Variants in ACOX1 observed in about 807,000 individuals in gnomAD.
ACOX1 encodes the protein acyl-CoA oxidase 1.
ACOX1 carries 41 observed loss-of-function variants against 75.5 expected under a neutral mutation model. That is an observed-to-expected ratio of 0.54 (90% CI 0.42 to 0.70). The LOEUF (loss-of-function observed/expected upper bound fraction) is 0.70. Ranked by LOEUF, ACOX1 falls within the 30% of genes least tolerant of loss-of-function variation. The pLI, the probability that ACOX1 is intolerant of heterozygous loss-of-function variation, is 0.00. For synonymous variants in ACOX1, 303 were observed against 298.8 expected (o/e 1.01, Z -0.15); for missense variants, 630 against 837.5 (o/e 0.75, Z 3.06).
chr17:75,973,726 G>A (rs375874273), intron 2 of ACOX1: 2 of 1,614,010 alleles, frequency 1.2e-6, no homozygotes, highest in African/African-American at 2.7e-5. Flanking sequence ...ATTCAGCAAG[G>A]TAGGAATAAA....
chr17:75,976,642 G>A (rs1399259274), intron 2 of ACOX1, among the ~76,000 whole-genome samples: 7 of 152,030 alleles, frequency 4.6e-5, no homozygotes, highest in Non-Finnish European at 1.0e-4. Context: ...AAATTTTTTC[G>A]TTTAAAACTG....
At position 75,961,000 on chromosome 17, in the gene ACOX1, AAG is replaced by A. The variant is rs1168848824; in HGVS notation, c.270-627_270-626del. ...TCTCAAAAAAAATAAATAAATAAAT[AAG>A]AGAGAATTGGCCAGGTGCAGTGGCT... On this transcript the variant is annotated intron_variant, in intron 2 of 13. Transcript: ENST00000293217. This position sits in a 1 kb window ranked among gnomAD's most constrained non-coding sequence, Gnocchi z 4.4. 6.6e-6 allele frequency among the ~76,000 whole-genome samples: 1 copy of A among 150,832 alleles called. No individual in the cohort carries two copies.
intron 2 of ACOX1, among the ~76,000 whole-genome samples, chr17:75,967,599 A>T (rs1284942434): frequency 7.0e-6 from 1 of 142,280 alleles, no homozygotes; most frequent in African/African-American, 2.6e-5. Flanking sequence ...AAAAAATCGA[A>T]ATATATATAT....
In ACOX1 at chr17:75,944,466, A is replaced by C. The variant is rs1177014465; in HGVS notation, c.*2282T>G. 6.6e-6 allele frequency: 1 copy of C among 152,156 alleles called. No individual in the cohort carries two copies. Among genetic ancestry groups the C allele is most frequent in the Non-Finnish European group, 1.5e-5 (1 of 68,036 alleles). The allele number at this position is 152,156 out of a possible 1,614,324, so 9.4% of individuals were successfully genotyped here. ...TCCTAAAGTGACTGGAGCCACTCACAACTATTGGTACAACTGCAGTAATTA... is the reference window on the plus strand; with the variant it reads ...TCCTAAAGTGACTGGAGCCACTCACCACTATTGGTACAACTGCAGTAATTA... On this transcript the variant is annotated 3_prime_UTR_variant, in exon 14 of 14. Transcript: ENST00000293217.
In ACOX1 at chr17:75,950,742, C is replaced by T. The variant is rs766942533; in HGVS notation, c.1298+32G>A. On this transcript the variant is annotated intron_variant, in intron 9 of 13. Transcript: ENST00000293217. This position sits in a 1 kb window ranked among gnomAD's most constrained non-coding sequence, Gnocchi z 4.3. ...AAAAGGACTAGAACATTCTTATGAA[C>T]AGATGGGAGGAATCGAGGATTTGAC... The T allele has an allele frequency of 6.2e-7, 1 of 1,605,270 alleles. No homozygotes were observed. The highest frequency in any genetic ancestry group is 1.1e-5 in the South Asian group (1 of 90,592).
chr17:75,978,496 G>A lies in ACOX1; in HGVS notation c.269+38C>T. 12 of 1,613,452 alleles carry A rather than the reference G, an allele frequency of 7.4e-6. No homozygotes were observed. The highest frequency in any genetic ancestry group is 1.0e-5 in the Non-Finnish European group (12 of 1,179,462). On this transcript the variant is annotated intron_variant, in intron 2 of 13. Coordinates refer to ENST00000293217, the MANE Select transcript of ACOX1 (RefSeq NM_004035.7). This position sits in a 1 kb window ranked among gnomAD's most constrained non-coding sequence, Gnocchi z 4.2. ...CCATAGACCGCAGCTGTAAAGTTTAGGCTTAACAACACTTGCTCTGTTCTA... is the reference window on the plus strand; with the variant it reads ...CCATAGACCGCAGCTGTAAAGTTTAAGCTTAACAACACTTGCTCTGTTCTA...
At chr17:75,970,481 C>T (rs952010228) in intron 2 of ACOX1, among the ~76,000 whole-genome samples, 9 of 152,076 alleles carry the variant, frequency 5.9e-5, no homozygotes, top group African/African-American at 2.2e-4. Context: ...GGTGTATATC[C>T]GAGTTTCTTC....
Position 75,978,716 on chromosome 17 carries a change from TA to T in ACOX1, c.110-24del. 1 of 1,612,730 alleles carries T rather than the reference TA, an allele frequency of 6.2e-7. No individual in the cohort carries two copies. The highest frequency in any genetic ancestry group is 8.5e-7 in the Non-Finnish European group (1 of 1,180,016). ...TCTCTGAAAGGGGGTTAAAGGGCAT[TA>T]AAAGGCAGACAGACACTCGGGCCTC... On this transcript the variant is annotated intron_variant, in intron 1 of 13. Transcript: ENST00000293217. This position sits in a 1 kb window ranked among gnomAD's most constrained non-coding sequence, Gnocchi z 4.2.
intron 2 of ACOX1, among the ~76,000 whole-genome samples, chr17:75,961,408 T>C (rs1445268597): frequency 7.3e-6 from 1 of 136,292 alleles, no homozygotes; most frequent in Non-Finnish European, 1.5e-5. Context: ...TCACTTGAGG[T>C]CAGGAGTTTG....
At chr17:75,956,404 G>A (rs534544530) in intron 4 of ACOX1, among the ~76,000 whole-genome samples, 3 of 151,970 alleles carry the variant, frequency 2.0e-5, no homozygotes, top group South Asian at 4.2e-4. Context: ...TAAAAGTTTC[G>A]GGTCAGCCGG....
In ACOX1 at chr17:75,950,878, C is replaced by T; in HGVS notation, c.1194G>A (p.Gly398=). The change falls in exon 9 of 14, where the codon GGG becomes GGA. Residue 398 remains glycine, a synonymous_variant. Transcript: ENST00000293217. This position sits in a 1 kb window ranked among gnomAD's most constrained non-coding sequence, Gnocchi z 4.3. ...GIEACRMACG[G]HGYSHCSGLP... ...GACCACTGCAATGAGAATAGCCATG[C>T]CCACCACAAGCCATCCGACATGCTT... 1 of 1,614,152 alleles carries T rather than the reference C, an allele frequency of 6.2e-7. No homozygotes were observed. The highest frequency in any genetic ancestry group is 8.5e-7 in the Non-Finnish European group (1 of 1,180,026).
At chr17:75,958,396 C>T (rs1270475658) in intron 3 of ACOX1, among the ~76,000 whole-genome samples, 4 of 131,706 alleles carry the variant, frequency 3.0e-5, no homozygotes, top group Non-Finnish European at 6.4e-5. Flanking sequence ...AGGCCAGGCA[C>T]AGTGGCTCAA....
chr17:75,961,410 A>C (rs916992778), intron 2 of ACOX1, among the ~76,000 whole-genome samples: 3 of 145,652 alleles, frequency 2.1e-5, no homozygotes, highest in African/African-American at 7.6e-5. Context: ...ACTTGAGGTC[A>C]GGAGTTTGAG....
In ACOX1 at chr17:75,966,791, TTC is replaced by T. The variant is rs776674397; in HGVS notation, c.270-6418_270-6417del. The stretch of plus-strand genomic sequence containing the variant: ...CTCCAGCCCAGGTGACAGTGCGAGA[TTC>T]TGTCTCAAAAAAATTTTATAAAGCA... On this transcript the variant is annotated intron_variant, in intron 2 of 13. Transcript: ENST00000293217. Among the ~76,000 whole-genome samples the T allele has an allele frequency of 2.8e-3, 421 of 150,946 alleles. 2 individuals carry two copies. The highest frequency in any genetic ancestry group is 3.4e-3 in the Non-Finnish European group (232 of 67,714).
chr17:75,971,030 G>A (rs1395572905), intron 2 of ACOX1, among the ~76,000 whole-genome samples: 2 of 152,192 alleles, frequency 1.3e-5, no homozygotes, highest in African/African-American at 2.4e-5. Context: ...GATGGCTCAC[G>A]CCTATAATCC....
Position 75,953,490 on chromosome 17 carries a change from C to G in ACOX1, c.905G>C (p.Arg302Pro). 2 of 1,614,132 alleles carry G rather than the reference C, an allele frequency of 1.2e-6. No individual in the cohort carries two copies. Among genetic ancestry groups the G allele is most frequent in the Non-Finnish European group, 1.7e-6 (2 of 1,180,018 alleles). Residue 302 changes from arginine to proline, a missense_variant, in exon 7 of 14, where the codon CGA (arginine) becomes CCA (proline). Coordinates refer to ENST00000293217, the MANE Select transcript of ACOX1 (RefSeq NM_004035.7). ...ALSKACTIAI[R>P]YSAVRHQSEI... ...AGACTGGTGCCTCACAGCGCTGTAT[C>G]GGATGGCAATGGTGCACGCCTTAGA...
intron 7 of ACOX1, chr17:75,953,228 CTTTT>C (rs1019489352): frequency 2.2e-6 from 1 of 464,154 alleles, no homozygotes; most frequent in Non-Finnish European, 3.9e-6. Context: ...TGGGTATTCT[CTTTT>C]TTTCTTTTTT....
In ACOX1 at chr17:75,964,900, A is replaced by C. The variant is rs78058701; in HGVS notation, c.270-4525T>G. 8.3e-3 allele frequency among the ~76,000 whole-genome samples: 1,259 copies of C among 152,260 alleles called. 15 individuals are homozygous for C. The highest frequency in any genetic ancestry group is 0.028 in the African/African-American group (1,151 of 41,536). The stretch of plus-strand genomic sequence containing the variant: ...GGCTGACAATCAATACTGAGGAAAA[A>C]CCAATTAGACTAATCATATATGAGA... On this transcript the variant is annotated intron_variant, in intron 2 of 13. Coordinates refer to ENST00000293217, the MANE Select transcript of ACOX1 (RefSeq NM_004035.7).
intron 13 of ACOX1, among the ~76,000 whole-genome samples, chr17:75,947,360 G>A (rs1000383989): frequency 1.3e-5 from 2 of 149,652 alleles, no homozygotes; most frequent in African/African-American, 4.9e-5. Context: ...CAATTCTCCT[G>A]TCTCAGCCTC....
Sources: gnomAD v4.1 joint callset for allele counts (sites outside exome capture counted in the v4.1 genomes callset) on GRCh38, gnomAD v4.1.1 for gene constraint, Gnocchi (gnomAD v3.1) non-coding constraint, MANE v1.5 for transcripts, NCBI Gene and HGNC (gene_info 2026-07-23, HGNC 2026-07-21) for gene names.